Variants in PLCZ1 observed in about 807,000 individuals in gnomAD.
The protein encoded by PLCZ1 is 1-phosphatidylinositol 4,5-bisphosphate phosphodiesterase zeta-1.
In PLCZ1, 64 loss-of-function variants were observed where a neutral mutation model predicts 76.8. The ratio of observed to expected loss-of-function variants is 0.83; its 90% CI spans 0.68 to 1.03. The LOEUF (loss-of-function observed/expected upper bound fraction) is 1.03. Among genes scored for constraint, PLCZ1 ranks in the 50% least tolerant of loss-of-function variants. The probability of loss-of-function intolerance (pLI) is 0.00; values close to 1 mark genes in which losing one functional copy is unlikely to be tolerated. For synonymous variants in PLCZ1, 248 were observed against 230.8 expected, an observed-to-expected ratio of 1.07 and a Z score of -0.68; for missense variants, 751 against 713.7, an observed-to-expected ratio of 1.05 and a Z score of -0.60.
At chr12:18,719,760 A>G (rs1041068472) in intron 4 of PLCZ1, 128 bp from the exon 5 acceptor site, 41 of 565,478 alleles carry the variant, frequency 7.3e-5, no homozygotes, top group Non-Finnish European at 1.0e-4. Context: ...TAGAATTAAT[A>G]TTAATACTAT....
intron 12 of PLCZ1, among the ~76,000 whole-genome samples, chr12:18,692,240 A>G (rs1954208557): frequency 6.6e-6 from 1 of 152,168 alleles, no homozygotes; most frequent in African/African-American, 2.4e-5. Flanking sequence ...TGGTTTATAC[A>G]GTTCTAGGAG....
intron 3 of PLCZ1, among the ~76,000 whole-genome samples, chr12:18,729,649 G>C (rs1355256000): frequency 6.6e-6 from 1 of 151,934 alleles, no homozygotes. Flanking sequence ...CACTCATACT[G>C]TGTATTGAAA....
rs535719220 is a variant in PLCZ1, at chr12:18,712,968, G to T, written c.588C>A (p.Cys196Ter). ...CCCAGCAGTCAATCTCCAAACAACG[G>T]CATCCTTTCACAAGGGCACTAGCAA... Reference protein sequence around the residue: ...WGYVSALVKGCRCLEIDCWDG... With the variant: ...WGYVSALVKG Residue 196 changes from cysteine (C) to a stop codon, truncating the protein, a stop_gained, in exon 6 of 15, where the codon TGC (cysteine) becomes TGA (stop). Coordinates refer to ENST00000266505, the MANE Select transcript of PLCZ1 (RefSeq NM_033123.4). LOFTEE classifies it high-confidence loss of function. 3.1e-6 allele frequency: 5 copies of T among 1,613,732 alleles called. No homozygotes were observed. In the East Asian group the frequency reaches 1.1e-4, roughly 36 times the overall value.
chr12:18,646,730 T>C, the PLCZ1 span, among the ~76,000 whole-genome samples: 5 of 152,238 alleles, frequency 3.3e-5, no homozygotes, highest in South Asian at 6.2e-4. Context: ...TCTAAATGTG[T>C]TCTAAGACAT....
chr12:18,712,287 C>T (rs1209442821), intron 6 of PLCZ1, among the ~76,000 whole-genome samples: 1 of 152,110 alleles, frequency 6.6e-6, no homozygotes, highest in Admixed American at 6.6e-5. Flanking sequence ...TTGCAAAAAC[C>T]TGCTCAATTT....
At chr12:18,724,890 A>T (rs1958666427) in intron 3 of PLCZ1, among the ~76,000 whole-genome samples, 1 of 152,262 alleles carries the variant, frequency 6.6e-6, no homozygotes, top group South Asian at 2.1e-4. Flanking sequence ...AGCATAAAAT[A>T]AAATATACAT....
the PLCZ1 span, among the ~76,000 whole-genome samples, chr12:18,650,718 A>G: frequency 0.11 from 744 of 6,958 alleles, 36 homozygotes; most frequent in African/African-American, 0.33. Flanking sequence ...ATATCTATAT[A>G]TATATATATA....
intron 10 of PLCZ1, among the ~76,000 whole-genome samples, chr12:18,696,789 C>T (rs1955119288): frequency 6.6e-6 from 1 of 152,106 alleles, no homozygotes. Context: ...TCCAGTTCGA[C>T]TTCCAATCCC....
At chr12:18,687,580 T>A (rs902979850) in intron 13 of PLCZ1, among the ~76,000 whole-genome samples, 9 of 152,094 alleles carry the variant, frequency 5.9e-5, no homozygotes, top group Non-Finnish European at 1.3e-4. Flanking sequence ...TTCCCTTAAT[T>A]CTTCACTTCC....
At chr12:18,688,675 A>G (rs1358035937) in intron 12 of PLCZ1, among the ~76,000 whole-genome samples, 4 of 151,982 alleles carry the variant, frequency 2.6e-5, no homozygotes. Context: ...GTTATTTCAT[A>G]TGTATATTAG....
At chr12:18,686,827 A>T (rs989922256) in intron 13 of PLCZ1, among the ~76,000 whole-genome samples, 1 of 152,114 alleles carries the variant, frequency 6.6e-6, no homozygotes, top group Non-Finnish European at 1.5e-5. Context: ...ACTCAGCACA[A>T]GGCTTTTAGC....
At chr12:18,735,957 T>G in intron 3 of PLCZ1, 1 of 331,408 alleles carries the variant, frequency 3.0e-6, no homozygotes. Context: ...ATCAGTCTGA[T>G]ATAATTAGAC....
chr12:18,674,474 T>C, the PLCZ1 span, among the ~76,000 whole-genome samples: 1 of 152,330 alleles, frequency 6.6e-6, no homozygotes, highest in Non-Finnish European at 1.5e-5. Context: ...TCTCACTCTA[T>C]GAATTTTTTG....
At chr12:18,655,056 A>AAG in the PLCZ1 span, among the ~76,000 whole-genome samples, 2 of 151,632 alleles carry the variant, frequency 1.3e-5, no homozygotes, top group African/African-American at 4.8e-5. Context: ...AACAATAATA[A>AAG]AAAAAAATAC....
chr12:18,648,189 C>A, the PLCZ1 span: 1 of 380,890 alleles, frequency 2.6e-6, no homozygotes, highest in African/African-American at 2.1e-5. Context: ...TGTTTATTTT[C>A]TACCTGTGCT....
chr12:18,696,010 C>T (rs111912326), intron 11 of PLCZ1, 140 bp downstream of exon 11: 11,498 of 547,732 alleles, frequency 0.021, 208 homozygotes, highest in Middle Eastern at 0.043. Flanking sequence ...ACACATGACC[C>T]ACCATTAGTG....
the PLCZ1 span, among the ~76,000 whole-genome samples, chr12:18,666,411 T>C: frequency 6.6e-6 from 1 of 152,066 alleles, no homozygotes; most frequent in Non-Finnish European, 1.5e-5. Context: ...GCAAATAGTC[T>C]CAAAAAGAGC....
chr12:18,649,209 T>C, the PLCZ1 span, among the ~76,000 whole-genome samples: 1 of 152,086 alleles, frequency 6.6e-6, no homozygotes, highest in Non-Finnish European at 1.5e-5. Flanking sequence ...TGGCATTGTT[T>C]CCTACATCAC....
At chr12:18,682,055 A>G (rs1952469345), downstream of PLCZ1, among the ~76,000 whole-genome samples, 1 of 152,040 alleles carries the variant, frequency 6.6e-6, no homozygotes. Flanking sequence ...GCATCTTTCT[A>G]AGAATTGGCT....
Sources: allele counts gnomAD v4.1 joint callset (sites outside exome capture counted in the v4.1 genomes callset), GRCh38; gene constraint gnomAD v4.1.1; transcripts MANE v1.5; gene names NCBI Gene and HGNC (gene_info 2026-07-23, HGNC 2026-07-21).